CDIN1: variants seen among roughly 807,000 people sequenced by gnomAD.
CDIN1 encodes the protein CDAN1-interacting nuclease 1.
CDIN1 carries 33 observed loss-of-function variants against 45.3 expected under a neutral mutation model. The observed-to-expected ratio is 0.73, with a 90% CI of 0.55 to 0.97. CDIN1 has a LOEUF of 0.97. Among genes scored for constraint, CDIN1 ranks in the 50% least tolerant of loss-of-function variants. The probability of loss-of-function intolerance (pLI) is 0.00; values close to 1 mark genes in which losing one functional copy is unlikely to be tolerated. For missense variants in CDIN1, 303 were observed against 339.4 expected, an observed-to-expected ratio of 0.89 and a Z score of 0.84; for synonymous variants, 118 against 124.4, an observed-to-expected ratio of 0.95 and a Z score of 0.34.
At chr15:36,585,852 T>A (rs867167967) in intron 1 of CDIN1, among the ~76,000 whole-genome samples, 42 of 152,226 alleles carry the variant, frequency 2.8e-4, no homozygotes, top group Admixed American at 2.2e-3. Flanking sequence ...ACAGTAGAAC[T>A]AGTATGTTTT....
intron 8 of CDIN1, 76 bp downstream of exon 8, chr15:36,697,466 C>T (rs1051162012): frequency 5.9e-6 from 7 of 1,178,830 alleles, no homozygotes; most frequent in African/African-American, 4.7e-5. Context: ...AAATCTTCCA[C>T]TAAAGGAAGA....
intron 10 of CDIN1, among the ~76,000 whole-genome samples, chr15:36,807,702 G>T (rs933515277): frequency 6.6e-6 from 1 of 152,076 alleles, no homozygotes; most frequent in African/African-American, 2.4e-5. Context: ...CCTCATTTCC[G>T]TAAGCACCAA....
intron 1 of CDIN1, among the ~76,000 whole-genome samples, chr15:36,637,915 CA>C (rs937548665): frequency 6.6e-6 from 1 of 151,996 alleles, no homozygotes; most frequent in Non-Finnish European, 1.5e-5. Context: ...GTAAAACTAT[CA>C]AGAAAAACTA....
At chr15:36,804,588 G>C (rs2055161214) in intron 10 of CDIN1, 1 of 150,978 alleles carries the variant, frequency 6.6e-6, no homozygotes, top group Non-Finnish European at 1.5e-5. Context: ...TAGGAAACAG[G>C]TATGCACAGA....
chr15:36,686,197 TG>T (rs1320239330), intron 5 of CDIN1, among the ~76,000 whole-genome samples: 1 of 151,904 alleles, frequency 6.6e-6, no homozygotes, highest in Non-Finnish European at 1.5e-5. Flanking sequence ...TAAGAAAATG[TG>T]GCACATATAC....
intron 10 of CDIN1, among the ~76,000 whole-genome samples, chr15:36,808,066 G>A (rs1207214639): frequency 2.6e-5 from 4 of 152,126 alleles, no homozygotes; most frequent in Non-Finnish European, 5.9e-5. Context: ...CTTACTGAAA[G>A]GTAAGATTCA....
chr15:36,799,282 CT>C (rs2054929243), intron 10 of CDIN1: 1 of 152,084 alleles, frequency 6.6e-6, no homozygotes, highest in Non-Finnish European at 1.5e-5. Context: ...TACTTTGTTA[CT>C]TTTAGGGTTT....
intron 1 of CDIN1, chr15:36,617,751 A>G (rs1210079829): frequency 3.7e-6 from 3 of 808,292 alleles, no homozygotes; most frequent in Admixed American, 3.4e-5. Flanking sequence ...GTTCAAATTG[A>G]AAACTGCCCC....
chr15:36,589,810 T>TCTC (rs1384922427), intron 1 of CDIN1, among the ~76,000 whole-genome samples: 4 of 152,282 alleles, frequency 2.6e-5, no homozygotes, highest in Admixed American at 2.6e-4. Flanking sequence ...GGCCAACAGT[T>TCTC]CTCCATTTCT....
chr15:36,638,747 G>A (rs1292844756), intron 1 of CDIN1, among the ~76,000 whole-genome samples: 1 of 152,142 alleles, frequency 6.6e-6, no homozygotes, highest in African/African-American at 2.4e-5. Context: ...CATGGAATTT[G>A]GTCAAAACAC....
At chr15:36,700,898 A>T (rs2140773732) in intron 8 of CDIN1, among the ~76,000 whole-genome samples, 2 of 151,982 alleles carry the variant, frequency 1.3e-5, no homozygotes, top group South Asian at 4.2e-4. Flanking sequence ...ATATAGGGAG[A>T]TCTTGTCTCT....
rs71126233 is a variant in CDIN1, at chr15:36,703,219, AAT to A, written c.544+5842_544+5843del. On this transcript the variant is annotated intron_variant, in intron 8 of 10. Transcript: ENST00000566621. ...GGCAATAGAGTGAGACCCTGTCTCAAATATATATATATATCAGATATATATAT... is the reference window on the plus strand; with the variant it reads ...GGCAATAGAGTGAGACCCTGTCTCAAATATATATATATCAGATATATATAT... Among the ~76,000 whole-genome samples the A allele has an allele frequency of 5.6e-3, 321 of 57,374 alleles. 80 individuals carry two copies. The highest frequency in any genetic ancestry group is 0.023 in the African/African-American group (293 of 12,510). 37.6% of individuals were successfully genotyped at this position (57,374 alleles called of 152,430 possible). A position where few individuals can be genotyped will look rare whatever the true frequency, so the allele number is the denominator to read the frequency against.
At chr15:36,780,963 G>A (rs2054336024) in intron 10 of CDIN1, among the ~76,000 whole-genome samples, 1 of 152,110 alleles carries the variant, frequency 6.6e-6, no homozygotes. Flanking sequence ...TTCCACATAT[G>A]CAACATTTTG....
chr15:36,643,825 C>G (rs1013851053), intron 1 of CDIN1, among the ~76,000 whole-genome samples: 1 of 152,176 alleles, frequency 6.6e-6, no homozygotes, highest in African/African-American at 2.4e-5. Context: ...AGTTTTCTCC[C>G]TGAAACTGGG....
At chr15:36,751,675 C>G (rs983775542) in intron 10 of CDIN1, among the ~76,000 whole-genome samples, 1 of 152,074 alleles carries the variant, frequency 6.6e-6, no homozygotes, top group Non-Finnish European at 1.5e-5. Context: ...GTTAATCATT[C>G]TGTTATAAAG....
At chr15:36,610,862 A>G (rs1336164527) in intron 1 of CDIN1, among the ~76,000 whole-genome samples, 1 of 152,210 alleles carries the variant, frequency 6.6e-6, no homozygotes, top group Non-Finnish European at 1.5e-5. Context: ...AGACATTATT[A>G]AAGTTCAAGG....
chr15:36,692,016 TG>T (rs961701628), intron 6 of CDIN1, 109 bp from the exon 7 acceptor site: 4 of 521,032 alleles, frequency 7.7e-6, no homozygotes, highest in Non-Finnish European at 4.7e-6. Context: ...TTTCTTTTTT[TG>T]GGGGGCGGGG....
intron 10 of CDIN1, among the ~76,000 whole-genome samples, chr15:36,804,934 C>T (rs973663313): frequency 5.3e-5 from 8 of 151,872 alleles, no homozygotes; most frequent in African/African-American, 1.7e-4. Context: ...CTCAGCCTCC[C>T]AAAGTGCTGG....
At chr15:36,737,501 C>T (rs2140929324) in intron 10 of CDIN1, among the ~76,000 whole-genome samples, 1 of 152,298 alleles carries the variant, frequency 6.6e-6, no homozygotes, top group East Asian at 1.9e-4. Context: ...AGTACTACCT[C>T]AAGAATTATG....
Sources: allele counts gnomAD v4.1 joint callset (sites outside exome capture counted in the v4.1 genomes callset), GRCh38; gene constraint gnomAD v4.1.1; transcripts MANE v1.5; gene names NCBI Gene and HGNC (gene_info 2026-07-23, HGNC 2026-07-21).